Variants in NBAS observed in about 807,000 individuals in gnomAD.
The protein encoded by NBAS is NBAS subunit of NRZ tethering complex, also known as NAG/BC035112 fusion.
NBAS carries 219 observed loss-of-function variants against 302.5 expected under a neutral mutation model. The observed-to-expected ratio is 0.72, with a 90% confidence interval of 0.65 to 0.81. NBAS has a LOEUF of 0.81. Ranked by LOEUF, NBAS falls within the 30% of genes least tolerant of loss-of-function variation. The pLI is 0.00. For missense variants in NBAS, 2,932 were observed against 2,841.6 expected (o/e 1.03, Z -0.72); for synonymous variants, 1,118 against 1,021.6 (o/e 1.09, Z -1.80).
chr2:15,464,027 C>G (rs1356566816), intron 19 of NBAS, among the ~76,000 whole-genome samples: 3 of 152,120 alleles, frequency 2.0e-5, no homozygotes, highest in African/African-American at 7.2e-5. Flanking sequence ...AGACACACAA[C>G]TGGCGCATGC....
chr2:15,175,164 C>T (rs559585312), intron 51 of NBAS, among the ~76,000 whole-genome samples: 155 of 152,244 alleles, frequency 1.0e-3, no homozygotes, highest in African/African-American at 3.5e-3. Flanking sequence ...GACGGGGTTT[C>T]ACCGTGTTAG....
chr2:15,272,755 C>A (rs190722664), intron 44 of NBAS, among the ~76,000 whole-genome samples: 1 of 152,248 alleles, frequency 6.6e-6, no homozygotes, highest in East Asian at 1.9e-4. Context: ...CAGTAATTAG[C>A]AGACTGAATC....
intron 6 of NBAS, among the ~76,000 whole-genome samples, chr2:15,547,503 A>G (rs1469016): frequency 0.64 from 96,990 of 152,064 alleles, 31,670 homozygotes; most frequent in Non-Finnish European, 0.68. Flanking sequence ...CACATTAACC[A>G]TACACACTAA....
chr2:15,008,299 C>T, the NBAS span, among the ~76,000 whole-genome samples: 61 of 152,326 alleles, frequency 4.0e-4, no homozygotes, highest in African/African-American at 1.4e-3. Context: ...CAGAGTACAC[C>T]ACTCTTGTGT....
the NBAS span, among the ~76,000 whole-genome samples, chr2:14,957,781 T>C: frequency 1.3e-5 from 2 of 152,320 alleles, no homozygotes; most frequent in African/African-American, 4.8e-5. Context: ...TGCACCTGTC[T>C]CATCCTTCCC....
At chr2:15,209,572 G>C (rs1289047156) in intron 48 of NBAS, among the ~76,000 whole-genome samples, 1 of 152,038 alleles carries the variant, frequency 6.6e-6, no homozygotes, top group African/African-American at 2.4e-5. Flanking sequence ...CAGATTTAAT[G>C]CAATTTCTCT....
the NBAS span, among the ~76,000 whole-genome samples, chr2:14,783,718 CATT>C: frequency 2.0e-5 from 3 of 151,984 alleles, no homozygotes; most frequent in South Asian, 6.3e-4. Flanking sequence ...TCCAGTCTAT[CATT>C]GTTGGACATT....
At chr2:14,902,321 G>A in the NBAS span, among the ~76,000 whole-genome samples, 12 of 152,106 alleles carry the variant, frequency 7.9e-5, no homozygotes, top group African/African-American at 2.9e-4. Flanking sequence ...TAGTAGAGAT[G>A]GGGTTTCACC....
In NBAS at chr2:15,284,553, G is replaced by C. The variant is rs150166408; in HGVS notation, c.5138+2520C>G. ...CTCCAAAATCAACCAGGATGAAGGG[G>C]AATGTACAATTATGAGAATAATAAC... On this transcript the variant is annotated intron_variant, in intron 42 of 51. Transcript: ENST00000281513. Among the ~76,000 whole-genome samples, 23 of 152,294 alleles carry C rather than the reference G, an allele frequency of 1.5e-4. No homozygotes were observed. In the East Asian group the frequency reaches 4.1e-3, roughly 27 times the overall value.
At chr2:15,387,613 T>C (rs976099689) in intron 28 of NBAS, among the ~76,000 whole-genome samples, 1 of 150,298 alleles carries the variant, frequency 6.7e-6, no homozygotes, top group Non-Finnish European at 1.5e-5. Context: ...TATTAAAAAA[T>C]GAATAAGTCA....
chr2:15,263,630 T>C (rs1007931197), intron 44 of NBAS, among the ~76,000 whole-genome samples: 3 of 152,228 alleles, frequency 2.0e-5, no homozygotes, highest in African/African-American at 4.8e-5. Flanking sequence ...CTGCTAAATA[T>C]GTCTTGAATG....
intron 32 of NBAS, among the ~76,000 whole-genome samples, chr2:15,356,970 C>T (rs1327466738): frequency 6.6e-6 from 1 of 152,174 alleles, no homozygotes; most frequent in Non-Finnish European, 1.5e-5. Flanking sequence ...TCCTTGAGAG[C>T]CCAATTTTAG....
chr2:15,027,719 A>AT, the NBAS span, among the ~76,000 whole-genome samples: 1 of 152,050 alleles, frequency 6.6e-6, no homozygotes, highest in East Asian at 1.9e-4. Flanking sequence ...ATTTTAATGA[A>AT]TTTTTTTCCA....
chr2:14,785,633 T>C, the NBAS span, among the ~76,000 whole-genome samples: 5 of 152,142 alleles, frequency 3.3e-5, no homozygotes, highest in Admixed American at 6.6e-5. Flanking sequence ...TATTGATTTG[T>C]GTATATTGAA....
At chr2:14,901,612 C>A in the NBAS span, among the ~76,000 whole-genome samples, 2 of 152,018 alleles carry the variant, frequency 1.3e-5, no homozygotes. Context: ...TGAACTCATC[C>A]TTTGCAAGAA....
intron 44 of NBAS, among the ~76,000 whole-genome samples, chr2:15,247,990 C>T (rs1668182683): frequency 6.6e-6 from 1 of 152,150 alleles, no homozygotes; most frequent in Admixed American, 6.6e-5. Context: ...CCCAAATCAA[C>T]AGAATACGCA....
In NBAS at chr2:15,308,316, G is replaced by A; in HGVS notation, c.4697C>T (p.Pro1566Leu). Residue 1566 changes from proline (P) to leucine (L), a missense_variant, in exon 40 of 52, where the codon CCC (proline) becomes CTC (leucine). Physicochemically the swap from Pro to Leu is moderately conservative, Grantham distance 98. Transcript: ENST00000281513. ...DANRCFEKQS[P>L]SALSLQLAAY... ...TGCCAGCTGGAGAGATAATGCAGAG[G>A]GGGACTGCTTTTCAAAGCACCGGTT... 6.2e-7 allele frequency: 1 copy of A among 1,614,124 alleles called. No individual in the cohort carries two copies.
chr2:15,524,951 C>G (rs945198019), intron 9 of NBAS, among the ~76,000 whole-genome samples: 2 of 152,154 alleles, frequency 1.3e-5, no homozygotes, highest in Non-Finnish European at 2.9e-5. Flanking sequence ...CAACCCACAG[C>G]TGATGCTAAA....
the NBAS span, among the ~76,000 whole-genome samples, chr2:15,025,211 T>G: frequency 2.0e-5 from 3 of 152,220 alleles, no homozygotes; most frequent in African/African-American, 7.2e-5. Flanking sequence ...ACACCATTTA[T>G]TGAATAAGGA....
Sources: allele counts gnomAD v4.1 joint callset (sites outside exome capture counted in the v4.1 genomes callset), GRCh38; gene constraint gnomAD v4.1.1; transcripts MANE v1.5; gene names NCBI Gene and HGNC (gene_info 2026-07-23, HGNC 2026-07-21).